COL11A1: variants seen among roughly 807,000 people sequenced by gnomAD.
COL11A1 encodes collagen type XI alpha 1 chain.
In COL11A1, 74 loss-of-function variants were observed where a neutral mutation model predicts 265.2. The ratio of observed to expected loss-of-function variants is 0.28; its 90% CI spans 0.23 to 0.34. The LOEUF is 0.34. COL11A1 is among the 10% of genes least tolerant of loss of function. COL11A1 has a pLI of 1.00. For missense variants in COL11A1, 2,165 were observed against 2,263.6 expected (o/e 0.96, Z 0.88); for synonymous variants, 816 against 727.6 (o/e 1.12, Z -1.96).
At chr1:102,888,984 C>G in intron 59 of COL11A1, 65 bp from the exon 60 acceptor site, 1 of 1,456,358 alleles carries the variant, frequency 6.9e-7, no homozygotes, top group South Asian at 1.1e-5. Flanking sequence ...GTTTTCATAA[C>G]TTTTCAATAT....
intron 24 of COL11A1, among the ~76,000 whole-genome samples, chr1:102,999,559 T>C (rs1261045979): frequency 6.6e-6 from 1 of 151,828 alleles, no homozygotes; most frequent in Non-Finnish European, 1.5e-5. Flanking sequence ...TAGGATGTAT[T>C]TGGTATATTT....
intron 47 of COL11A1, among the ~76,000 whole-genome samples, chr1:102,921,960 G>A (rs977045864): frequency 2.6e-5 from 4 of 152,154 alleles, no homozygotes; most frequent in Non-Finnish European, 5.9e-5. Context: ...CTCAATAGAA[G>A]TATTTTTTGT....
chr1:102,957,610 C>A (rs954060896), intron 41 of COL11A1, among the ~76,000 whole-genome samples: 5 of 151,924 alleles, frequency 3.3e-5, no homozygotes. Context: ...TCGATTCATT[C>A]AAAATAAGCA....
intron 4 of COL11A1, among the ~76,000 whole-genome samples, chr1:103,036,374 T>C (rs1014127665): frequency 2.3e-4 from 34 of 147,060 alleles, no homozygotes; most frequent in African/African-American, 7.1e-4. Context: ...TATAAATATA[T>C]ATTATATATA....
At chr1:102,966,319 C>G (rs1370795504) in intron 37 of COL11A1, among the ~76,000 whole-genome samples, 1 of 151,910 alleles carries the variant, frequency 6.6e-6, no homozygotes, top group Non-Finnish European at 1.5e-5. Context: ...TTCGAAAGAA[C>G]TGAATATTTT....
rs567553177 is a variant in COL11A1, at chr1:103,020,972, C to A, written c.1308+735G>T. On this transcript the variant is annotated intron_variant, in intron 9 of 66. Coordinates refer to ENST00000370096, the MANE Select transcript of COL11A1 (RefSeq NM_001854.4). Reference sequence around the variant, plus strand: ...AACAGAGCCCTCAGAAATAACGCTGCATATCTACAACTATCTTTTTATTCT... The same window carrying A: ...AACAGAGCCCTCAGAAATAACGCTGAATATCTACAACTATCTTTTTATTCT... 2.1e-5 allele frequency among the ~76,000 whole-genome samples: 3 copies of A among 143,658 alleles called. No individual in the cohort carries two copies. The South Asian group carries it at 6.7e-4, about 32-fold the overall frequency. 94.2% of individuals were successfully genotyped at this position (143,658 alleles called of 152,430 possible).
chr1:103,002,864 C>G, intron 21 of COL11A1, 73 bp from the exon 22 acceptor site: 1 of 1,365,458 alleles, frequency 7.3e-7, no homozygotes, highest in Non-Finnish European at 1.0e-6. Context: ...AAAGACTAAT[C>G]TAATATCATG....
At chr1:102,928,643 A>T (rs1321896224) in intron 46 of COL11A1, among the ~76,000 whole-genome samples, 3 of 151,588 alleles carry the variant, frequency 2.0e-5, no homozygotes, top group African/African-American at 7.3e-5. Context: ...TGGTATTTCT[A>T]GTTCTAGATC....
intron 28 of COL11A1, among the ~76,000 whole-genome samples, chr1:102,994,146 C>A (rs1664400684): frequency 1.3e-5 from 2 of 152,060 alleles, no homozygotes; most frequent in Admixed American, 1.3e-4. Flanking sequence ...GGTATCAAAT[C>A]CACACATAAG....
At chr1:102,902,636 T>A (rs1280905513) in intron 54 of COL11A1, among the ~76,000 whole-genome samples, 1 of 151,980 alleles carries the variant, frequency 6.6e-6, no homozygotes, top group Admixed American at 6.6e-5. Flanking sequence ...GTTTTCATAA[T>A]GACCTTACTT....
chr1:103,061,262 A>G (rs954509228), intron 4 of COL11A1, among the ~76,000 whole-genome samples: 4 of 152,190 alleles, frequency 2.6e-5, no homozygotes, highest in Non-Finnish European at 5.9e-5. Flanking sequence ...GCAAAATCTA[A>G]TAGATATGGA....
At chr1:103,041,947 G>A (rs1668843031) in intron 4 of COL11A1, among the ~76,000 whole-genome samples, 1 of 151,828 alleles carries the variant, frequency 6.6e-6, no homozygotes, top group Non-Finnish European at 1.5e-5. Flanking sequence ...GTTATTTTAG[G>A]AAAAGCTATA....
In COL11A1 at chr1:102,929,826, C is replaced by CCTA. The variant is rs537136677; in HGVS notation, c.3600+4620_3600+4622dup. Reference sequence around the variant, plus strand: ...CCTTCACATCCTTGTAAGTTGGATTCCTAGGTATTTTATTCTCTTTGAAGC... The same window carrying CCTA: ...CCTTCACATCCTTGTAAGTTGGATTCCTACTAGGTATTTTATTCTCTTTGAAGC... On this transcript the variant is annotated intron_variant, in intron 46 of 66. Coordinates refer to ENST00000370096, the MANE Select transcript of COL11A1 (RefSeq NM_001854.4). Among the ~76,000 whole-genome samples, 1,437 of 152,142 alleles carry CCTA rather than the reference C, an allele frequency of 9.4e-3. 10 individuals carry two copies. The highest frequency in any genetic ancestry group is 0.012 in the Non-Finnish European group (850 of 68,008).
At chr1:102,928,360 T>C (rs1482374916) in intron 46 of COL11A1, among the ~76,000 whole-genome samples, 1 of 151,494 alleles carries the variant, frequency 6.6e-6, no homozygotes, top group African/African-American at 2.4e-5. Context: ...GTTTGGTTTT[T>C]TGTTCTTGCG....
intron 46 of COL11A1, among the ~76,000 whole-genome samples, 188 bp from the exon 47 acceptor site, chr1:102,923,577 C>T (rs1656236919): frequency 6.6e-6 from 1 of 152,036 alleles, no homozygotes; most frequent in Non-Finnish European, 1.5e-5. Flanking sequence ...CTTACACCTA[C>T]ATTTACAAAT....
chr1:102,879,555 G>A, intron 66 of COL11A1, 128 bp downstream of exon 66: 1 of 800,118 alleles, frequency 1.2e-6, no homozygotes, highest in Admixed American at 2.0e-5. Flanking sequence ...AACATGTCAA[G>A]ATTAAGCAAC....
intron 13 of COL11A1, among the ~76,000 whole-genome samples, chr1:103,013,748 A>T (rs1202175229): frequency 6.6e-6 from 1 of 151,912 alleles, no homozygotes; most frequent in Non-Finnish European, 1.5e-5. Context: ...TTGGTTAGAA[A>T]GTGGGTAACC....
chr1:102,879,841 C>A lies in COL11A1; in HGVS notation c.5116G>T (p.Ala1706Ser). Reference protein sequence around the residue: ...MTFLKLLTASARQNFTYHCHQ... With the variant: ...MTFLKLLTASSRQNFTYHCHQ... Reference sequence around the variant, plus strand: ...CAGTGGTAGGTGAAATTTTGCCGAGCAGAGGCAGTCAGAAGTTTCAGGAAT... The same window carrying A: ...CAGTGGTAGGTGAAATTTTGCCGAGAAGAGGCAGTCAGAAGTTTCAGGAAT... Residue 1706 changes from alanine (A) to serine (S), a missense_variant, in exon 66 of 67, where the codon GCT becomes TCT. Transcript: ENST00000370096. 1 of 1,613,918 alleles carries A rather than the reference C, an allele frequency of 6.2e-7. No homozygotes were observed. The highest frequency in any genetic ancestry group is 1.1e-5 in the South Asian group (1 of 91,086).
Position 102,881,615 on chromosome 1 carries a change from C to T in COL11A1, c.5040+82G>A, listed in dbSNP as rs561808663. The T allele has an allele frequency of 7.1e-6, 8 of 1,131,194 alleles. No homozygotes were observed. In the Admixed American group the frequency reaches 1.1e-4, roughly 15 times the overall value. 70.1% of individuals were successfully genotyped at this position (1,131,194 alleles called of 1,614,324 possible). A position where few individuals can be genotyped will look rare whatever the true frequency, so the allele number is the denominator to read the frequency against. ...TCATTTAGCATAATTTAGACTTTCA[C>T]TGTTAAAGTCCAGAAATACATAATC... On this transcript the variant is annotated intron_variant, in intron 65 of 66. Transcript: ENST00000370096.
Sources: gnomAD v4.1 joint callset for allele counts (sites outside exome capture counted in the v4.1 genomes callset) on GRCh38, gnomAD v4.1.1 for gene constraint, MANE v1.5 for transcripts, NCBI Gene and HGNC (gene_info 2026-07-23, HGNC 2026-07-21) for gene names.